Variants in MYT1L observed in about 807,000 individuals in gnomAD.
MYT1L encodes myelin transcription factor 1 like.
In MYT1L, 12 loss-of-function variants were observed where a neutral mutation model predicts 126.7. The ratio of observed to expected loss-of-function variants is 0.09; its 90% CI spans 0.06 to 0.15. The LOEUF (loss-of-function observed/expected upper bound fraction) is 0.15, where lower values mean the gene tolerates loss of function less well. Ranked by LOEUF, MYT1L falls within the 10% of genes least tolerant of loss-of-function variation. The probability of loss-of-function intolerance (pLI) is 1.00; values close to 1 mark genes in which losing one functional copy is unlikely to be tolerated. For synonymous variants in MYT1L, 541 were observed against 604.2 expected (o/e 0.90, Z 1.53); for missense variants, 979 against 1,585.2 (o/e 0.62, Z 6.49).
chr2:1,967,889 T>G (rs929836394), intron 8 of MYT1L, among the ~76,000 whole-genome samples: 1 of 152,130 alleles, frequency 6.6e-6, no homozygotes, highest in Non-Finnish European at 1.5e-5. Flanking sequence ...TAGACTCCAC[T>G]TCCGCAAAGA....
chr2:2,221,342 C>T (rs577789039), intron 2 of MYT1L, among the ~76,000 whole-genome samples: 4 of 152,128 alleles, frequency 2.6e-5, no homozygotes, highest in Non-Finnish European at 4.4e-5. Context: ...GATTATTAGT[C>T]TGAGTCTGCT....
intron 1 of MYT1L, among the ~76,000 whole-genome samples, chr2:2,314,444 C>T (rs2096029720): frequency 6.6e-6 from 1 of 152,290 alleles, no homozygotes; most frequent in Admixed American, 6.5e-5. Flanking sequence ...CCCCATGTAT[C>T]CAAATTAAAC....
At chr2:1,942,576 C>T (rs911588159) in intron 9 of MYT1L, among the ~76,000 whole-genome samples, 1 of 152,228 alleles carries the variant, frequency 6.6e-6, no homozygotes, top group Non-Finnish European at 1.5e-5. Context: ...TGAGGAGGTA[C>T]CTGGGCTAAG....
chr2:1,977,456 G>A (rs2060270547), intron 8 of MYT1L, among the ~76,000 whole-genome samples: 1 of 152,060 alleles, frequency 6.6e-6, no homozygotes, highest in African/African-American at 2.4e-5. Context: ...GCAAAACTAT[G>A]GCTATAAAAT....
chr2:2,083,930 A>C (rs982319652), intron 3 of MYT1L, among the ~76,000 whole-genome samples: 1 of 130,158 alleles, frequency 7.7e-6, no homozygotes, highest in African/African-American at 3.0e-5. Flanking sequence ...TAGACCGAGA[A>C]GGCTACTAAG....
At chr2:2,041,125 A>G (rs952035528) in intron 4 of MYT1L, among the ~76,000 whole-genome samples, 1 of 152,244 alleles carries the variant, frequency 6.6e-6, no homozygotes, top group African/African-American at 2.4e-5. Flanking sequence ...AAATATAAAA[A>G]TATATTACTG....
chr2:2,287,116 C>T (rs1411698446), intron 1 of MYT1L, among the ~76,000 whole-genome samples: 4 of 152,000 alleles, frequency 2.6e-5, no homozygotes, highest in Non-Finnish European at 4.4e-5. Flanking sequence ...ATTAGCCAGG[C>T]GTGGTGGTGC....
At chr2:1,838,010 C>T (rs1280270026) in intron 21 of MYT1L, among the ~76,000 whole-genome samples, 1 of 151,716 alleles carries the variant, frequency 6.6e-6, no homozygotes, top group Admixed American at 6.6e-5. Context: ...CCCCTGGGTT[C>T]AAGTGATTAT....
intron 4 of MYT1L, among the ~76,000 whole-genome samples, chr2:2,052,829 C>T (rs976225435): frequency 2.6e-5 from 4 of 152,086 alleles, no homozygotes; most frequent in Admixed American, 6.6e-5. Flanking sequence ...TGAACTGTGG[C>T]GATAATGCAC....
Position 1,917,633 on chromosome 2 carries a change from T to C in MYT1L, c.1484-294A>G, listed in dbSNP as rs2053035804. On this transcript the variant is annotated intron_variant, in intron 10 of 24. Transcript: ENST00000647738. The surrounding 1 kb of genome is among the most constrained non-coding windows in gnomAD (Gnocchi z 5.9). ...TTTTCCCGTGTGTTACATGATAAGC[T>C]GTGTTGCTCAAAGGAATCAACGTAA... Among the ~76,000 whole-genome samples the C allele has an allele frequency of 6.6e-6, 1 of 152,212 alleles. No homozygotes were observed. The highest frequency in any genetic ancestry group is 2.4e-5 in the African/African-American group (1 of 41,452).
rs1345334467 is a variant in MYT1L at position 1,950,528 on chromosome 2, G to C, written c.153-7194C>G. 1.5e-4 allele frequency among the ~76,000 whole-genome samples: 23 copies of C among 151,164 alleles called. No homozygotes were observed. The East Asian group carries it at 4.3e-3, about 28-fold the overall frequency. ...TGGGACAGGGAGTGAGACTGAGACA[G>C]AGACACAGACACAGAGACACAGACA... On this transcript the variant is annotated intron_variant, in intron 8 of 24. Transcript: ENST00000647738.
chr2:2,276,313 C>T (rs2095357719), intron 2 of MYT1L, among the ~76,000 whole-genome samples: 1 of 152,182 alleles, frequency 6.6e-6, no homozygotes, highest in African/African-American at 2.4e-5. Context: ...GACCAGTCCT[C>T]GCTCAACCAG....
At chr2:1,832,476 C>T (rs2040323672) in intron 21 of MYT1L, among the ~76,000 whole-genome samples, 2 of 152,184 alleles carry the variant, frequency 1.3e-5, no homozygotes, top group Admixed American at 6.5e-5. Flanking sequence ...CGTGCAGCTG[C>T]TGGGGCTGGG....
At chr2:2,204,518 C>T (rs200790019) in intron 2 of MYT1L, among the ~76,000 whole-genome samples, 8,098 of 123,204 alleles carry the variant, frequency 0.066, 376 homozygotes, top group African/African-American at 0.11. Flanking sequence ...AAAATGCTCA[C>T]CATCACTGGC....
chr2:2,037,684 A>G (rs1384645743), intron 4 of MYT1L, among the ~76,000 whole-genome samples: 4 of 151,522 alleles, frequency 2.6e-5, no homozygotes, highest in Non-Finnish European at 5.9e-5. Context: ...TGAGCCCGGG[A>G]GGTGGAGGTT....
intron 2 of MYT1L, among the ~76,000 whole-genome samples, chr2:2,197,627 G>GCA (rs961828965): frequency 8.1e-5 from 12 of 148,752 alleles, no homozygotes; most frequent in Non-Finnish European, 8.9e-5. Context: ...ATACACACAT[G>GCA]CACACACACA....
rs190326045 is a variant in MYT1L, at chr2:1,804,177, A to G, written c.3173-2378T>C. ...CTCTTGTTGCCCAGGCTGGAGTGCAATGGCGTGACCTTGGCTCACTGCAAC... is the reference window on the plus strand; with the variant it reads ...CTCTTGTTGCCCAGGCTGGAGTGCAGTGGCGTGACCTTGGCTCACTGCAAC... On this transcript the variant is annotated intron_variant, in intron 22 of 24. Transcript: ENST00000647738. Among the ~76,000 whole-genome samples the G allele has an allele frequency of 5.8e-3, 881 of 152,162 alleles. 1 individual carries two copies. Among genetic ancestry groups the G allele is most frequent in the Non-Finnish European group, 9.9e-3 (676 of 67,996 alleles).
At chr2:1,962,993 T>A (rs1251161888) in intron 8 of MYT1L, among the ~76,000 whole-genome samples, 1 of 152,222 alleles carries the variant, frequency 6.6e-6, no homozygotes, top group East Asian at 1.9e-4. Flanking sequence ...ATCCTTCCCA[T>A]AAGATTTTCA....
chr2:2,314,372 A>G lies in MYT1L; in HGVS notation c.-521+16595T>C, dbSNP rs561553011. Among the ~76,000 whole-genome samples, 5 of 152,304 alleles carry G rather than the reference A, an allele frequency of 3.3e-5. No homozygotes were observed. In the South Asian group the frequency reaches 8.3e-4, roughly 25 times the overall value. On this transcript the variant is annotated intron_variant, in intron 1 of 24. Coordinates refer to ENST00000647738, the MANE Select transcript of MYT1L (RefSeq NM_001303052.2). The stretch of plus-strand genomic sequence containing the variant: ...TATCATTAAATAATGACCATTCAGA[A>G]CACTACATCTATTTACCACACATAC...
Sources: allele counts gnomAD v4.1 joint callset (sites outside exome capture counted in the v4.1 genomes callset), GRCh38; gene constraint gnomAD v4.1.1; non-coding constraint Gnocchi (gnomAD v3.1); transcripts MANE v1.5; gene names NCBI Gene and HGNC (gene_info 2026-07-23, HGNC 2026-07-21).